The following BRIP1 variants were observed in gnomAD, a reference collection of about 807,000 sequenced individuals.
BRIP1 encodes the protein Fanconi anemia group J protein.
Under a neutral mutation model 119.7 loss-of-function variants are expected in BRIP1, and 88 were observed. That is an observed-to-expected ratio of 0.74 (90% CI 0.62 to 0.88). BRIP1 has a LOEUF of 0.88. Among genes scored for constraint, BRIP1 ranks in the 40% least tolerant of loss-of-function variants. The pLI is 0.00. For missense variants in BRIP1, 1,259 were observed against 1,455.4 expected (o/e 0.87, Z 2.20); for synonymous variants, 443 against 496.5 (o/e 0.89, Z 1.43).
rs2077297992 is a variant in BRIP1 at position 61,762,869 on chromosome 17, CT to C, written c.2097+13531del. On this transcript the variant is annotated intron_variant, in intron 14 of 19. Coordinates refer to ENST00000259008, the MANE Select transcript of BRIP1 (RefSeq NM_032043.3). The surrounding 1 kb of genome is among the most constrained non-coding windows in gnomAD (Gnocchi z 4.3). Reference sequence around the variant, plus strand: ...ACCTTATGATCTAGCAATCTCACTTCTGAGTATTTACCCCTAAAATTTGAAG... The same window carrying C: ...ACCTTATGATCTAGCAATCTCACTTCGAGTATTTACCCCTAAAATTTGAAG... Among the ~76,000 whole-genome samples the C allele has an allele frequency of 6.6e-6, 1 of 152,156 alleles. No homozygotes were observed. The highest frequency in any genetic ancestry group is 2.4e-5 in the African/African-American group (1 of 41,442).
In BRIP1 at chr17:61,794,888, AG is replaced by A. The variant is rs2077876599; in HGVS notation, c.1341-1160del. On this transcript the variant is annotated intron_variant, in intron 9 of 19. Coordinates refer to ENST00000259008, the MANE Select transcript of BRIP1 (RefSeq NM_032043.3). The surrounding 1 kb of genome is among the most constrained non-coding windows in gnomAD (Gnocchi z 4.3). Reference sequence around the variant, plus strand: ...AGAATCAGAAGAAAAGAAATATCCAAGCAGAAGGAACAGCTAGGAGAAAGGT... The same window carrying A: ...AGAATCAGAAGAAAAGAAATATCCAACAGAAGGAACAGCTAGGAGAAAGGT... Among the ~76,000 whole-genome samples the A allele has an allele frequency of 6.6e-6, 1 of 151,752 alleles. No individual in the cohort carries two copies. Among genetic ancestry groups the A allele is most frequent in the South Asian group, 2.1e-4 (1 of 4,816 alleles).
At position 61,747,250 on chromosome 17, in the gene BRIP1, A is replaced by G. The variant is rs555709842; in HGVS notation, c.2098-2659T>C. ...AAAAAGAAAGATCTCAAGTAACCCA[A>G]TTCTACACTTCAGGGAACTAGAAAA... On this transcript the variant is annotated intron_variant, in intron 14 of 19. Coordinates refer to ENST00000259008, the MANE Select transcript of BRIP1 (RefSeq NM_032043.3). Among the ~76,000 whole-genome samples the G allele has an allele frequency of 4.6e-5, 7 of 152,220 alleles. No individual in the cohort carries two copies. In the East Asian group the frequency reaches 5.8e-4, roughly 13 times the overall value.
Position 61,730,839 on chromosome 17 carries a change from T to C in BRIP1, c.2379+12174A>G, listed in dbSNP as rs1019370234. ...GATCCCAAAATATCTTTTAAAAATA[T>C]GGAGAATTTAAAAATTAACCTCAGC... On this transcript the variant is annotated intron_variant, in intron 16 of 19. Coordinates refer to ENST00000259008, the MANE Select transcript of BRIP1 (RefSeq NM_032043.3). The surrounding 1 kb of genome is among the most constrained non-coding windows in gnomAD (Gnocchi z 4.3). Among the ~76,000 whole-genome samples, 3 of 152,122 alleles carry C rather than the reference T, an allele frequency of 2.0e-5. No homozygotes were observed. The highest frequency in any genetic ancestry group is 4.4e-5 in the Non-Finnish European group (3 of 68,008).
rs370556499 is a variant in BRIP1, at chr17:61,844,632, C to T, written c.627+2469G>A. ...AAAACAATTCCCAAGAAAAAAAAAT[C>T]TTAATCACAGGTGACTCTATACTTG... On this transcript the variant is annotated intron_variant, in intron 6 of 19. Transcript: ENST00000259008. The surrounding 1 kb of genome is among the most constrained non-coding windows in gnomAD (Gnocchi z 4.7). Among the ~76,000 whole-genome samples the T allele has an allele frequency of 7.8e-4, 119 of 152,296 alleles. No homozygotes were observed. Among genetic ancestry groups the T allele is most frequent in the African/African-American group, 2.5e-3 (105 of 41,578 alleles).
chr17:61,837,920 A>C (rs1459592913), intron 6 of BRIP1, among the ~76,000 whole-genome samples: 1 of 152,174 alleles, frequency 6.6e-6, no homozygotes, highest in African/African-American at 2.4e-5. Flanking sequence ...AGAAAAATAA[A>C]GAGACAACAA....
At chr17:61,714,389 T>C (rs1258709344) in intron 17 of BRIP1, among the ~76,000 whole-genome samples, 1 of 152,200 alleles carries the variant, frequency 6.6e-6, no homozygotes. Context: ...TGTATTTCTA[T>C]ACCATATCTT....
At position 61,794,972 on chromosome 17, in the gene BRIP1, T is replaced by C. The variant is rs145380827; in HGVS notation, c.1341-1243A>G. 1.9e-3 allele frequency among the ~76,000 whole-genome samples: 286 copies of C among 152,132 alleles called. No individual in the cohort carries two copies. Among genetic ancestry groups the C allele is most frequent in the Middle Eastern group, 6.8e-3 (2 of 294 alleles). On this transcript the variant is annotated intron_variant, in intron 9 of 19. Transcript: ENST00000259008. The surrounding 1 kb of genome is among the most constrained non-coding windows in gnomAD (Gnocchi z 4.3). ...GGATCTGAAAGAAAGCCAATATGAT[T>C]TGCAGCACAATGGGCAAAAATGAAT...
At chr17:61,790,097 C>G (rs1024736991) in intron 10 of BRIP1, among the ~76,000 whole-genome samples, 2 of 152,192 alleles carry the variant, frequency 1.3e-5, no homozygotes, top group Non-Finnish European at 2.9e-5. Flanking sequence ...TGCCCCTTCT[C>G]AGCCCAAACT....
Position 61,745,655 on chromosome 17 carries a change from C to T in BRIP1, c.2098-1064G>A, listed in dbSNP as rs2077048561. Among the ~76,000 whole-genome samples the T allele has an allele frequency of 6.6e-6, 1 of 152,120 alleles. No individual in the cohort carries two copies. The highest frequency in any genetic ancestry group is 2.1e-4 in the South Asian group (1 of 4,818). On this transcript the variant is annotated intron_variant, in intron 14 of 19. Transcript: ENST00000259008. This position sits in a 1 kb window ranked among gnomAD's most constrained non-coding sequence, Gnocchi z 4.4. Reference sequence around the variant, plus strand: ...CAGTGCTGAAATTACAGGTGTGAACCAACACACGTGGCTGTAAAACTCATA... The same window carrying T: ...CAGTGCTGAAATTACAGGTGTGAACTAACACACGTGGCTGTAAAACTCATA...
rs184161850 is a variant in BRIP1 at position 61,690,776 on chromosome 17, C to G, written c.2575+2654G>C. On this transcript the variant is annotated intron_variant, in intron 18 of 19. Transcript: ENST00000259008. This position sits in a 1 kb window ranked among gnomAD's most constrained non-coding sequence, Gnocchi z 5.6. Reference sequence around the variant, plus strand: ...GATCTCTCTTTGCAGATGACATGATCTTTTATGTGGAAAACCCTAAAGATT... The same window carrying G: ...GATCTCTCTTTGCAGATGACATGATGTTTTATGTGGAAAACCCTAAAGATT... Among the ~76,000 whole-genome samples the G allele has an allele frequency of 6.6e-6, 1 of 151,966 alleles. No homozygotes were observed. The highest frequency in any genetic ancestry group is 1.5e-5 in the Non-Finnish European group (1 of 68,000).
intron 7 of BRIP1, among the ~76,000 whole-genome samples, chr17:61,801,847 T>C (rs1011446169): frequency 2.6e-5 from 4 of 152,104 alleles, no homozygotes; most frequent in African/African-American, 9.7e-5. Flanking sequence ...CTTCCAAGGA[T>C]GAGAATTAAG....
intron 13 of BRIP1, among the ~76,000 whole-genome samples, chr17:61,777,104 C>T (rs745747662): frequency 1.3e-5 from 2 of 151,934 alleles, no homozygotes; most frequent in East Asian, 1.9e-4. Context: ...GGGAGAGAGA[C>T]GAAAATTTTG....
Position 61,700,164 on chromosome 17 carries a change from A to C in BRIP1, c.2493-6652T>G, listed in dbSNP as rs574653317. Reference sequence around the variant, plus strand: ...GGTCTTGGCAACCCACAAGACAATCACCACAGATTTACAATTATTGTTTTA... The same window carrying C: ...GGTCTTGGCAACCCACAAGACAATCCCCACAGATTTACAATTATTGTTTTA... On this transcript the variant is annotated intron_variant, in intron 17 of 19. Coordinates refer to ENST00000259008, the MANE Select transcript of BRIP1 (RefSeq NM_032043.3). The surrounding 1 kb of genome is among the most constrained non-coding windows in gnomAD (Gnocchi z 4.1). 4.2e-4 allele frequency among the ~76,000 whole-genome samples: 64 copies of C among 152,326 alleles called. No individual in the cohort carries two copies. The highest frequency in any genetic ancestry group is 1.5e-3 in the African/African-American group (64 of 41,584).
At position 61,710,332 on chromosome 17, in the gene BRIP1, C is replaced by T. The variant is rs1392005954; in HGVS notation, c.2492+5619G>A. Among the ~76,000 whole-genome samples the T allele has an allele frequency of 6.6e-6, 1 of 152,128 alleles. No homozygotes were observed. The highest frequency in any genetic ancestry group is 2.4e-5 in the African/African-American group (1 of 41,428). Reference sequence around the variant, plus strand: ...TCACATTTTTCACTAATTCAACAAGCATTTGAGACTTAGTTGGTTGCTGAG... The same window carrying T: ...TCACATTTTTCACTAATTCAACAAGTATTTGAGACTTAGTTGGTTGCTGAG... On this transcript the variant is annotated intron_variant, in intron 17 of 19. Transcript: ENST00000259008. This position sits in a 1 kb window ranked among gnomAD's most constrained non-coding sequence, Gnocchi z 5.4.
At position 61,845,016 on chromosome 17, in the gene BRIP1, G is replaced by A. The variant is rs867044270; in HGVS notation, c.627+2085C>T. On this transcript the variant is annotated intron_variant, in intron 6 of 19. Transcript: ENST00000259008. The surrounding 1 kb of genome is among the most constrained non-coding windows in gnomAD (Gnocchi z 4.2). ...ATGAGGGACACACATGAAAAAGACTGACATTACATCGTAATAGGACAGACA... is the reference window on the plus strand; with the variant it reads ...ATGAGGGACACACATGAAAAAGACTAACATTACATCGTAATAGGACAGACA... Among the ~76,000 whole-genome samples, 5 of 152,148 alleles carry A rather than the reference G, an allele frequency of 3.3e-5. No individual in the cohort carries two copies. Among genetic ancestry groups the A allele is most frequent in the African/African-American group, 1.2e-4 (5 of 41,440 alleles).
rs1256816641 is a variant in BRIP1, at chr17:61,743,229, T to C, written c.2258-95A>G. 2 of 1,406,116 alleles carry C rather than the reference T, an allele frequency of 1.4e-6. No homozygotes were observed. The highest frequency in any genetic ancestry group is 2.0e-6 in the Non-Finnish European group (2 of 1,007,730). 87.1% of individuals were successfully genotyped at this position (1,406,116 alleles called of 1,614,324 possible). ...TGATTTATAATTATAGTAATTACAG[T>C]AGCAAATTTAAAATAATCAAAATAA... On this transcript the variant is annotated intron_variant, in intron 15 of 19. Transcript: ENST00000259008. This position sits in a 1 kb window ranked among gnomAD's most constrained non-coding sequence, Gnocchi z 4.3.
At position 61,822,826 on chromosome 17, in the gene BRIP1, G is replaced by T. The variant is rs1044302462; in HGVS notation, c.628-14069C>A. Among the ~76,000 whole-genome samples, 23 of 152,132 alleles carry T rather than the reference G, an allele frequency of 1.5e-4. No individual in the cohort carries two copies. Among genetic ancestry groups the T allele is most frequent in the African/African-American group, 5.6e-4 (23 of 41,424 alleles). ...GGACCAACAAGTTTTCAGTTTAAAG[G>T]TGGGACGGTTCCAAATGACAACGAA... On this transcript the variant is annotated intron_variant, in intron 6 of 19. Coordinates refer to ENST00000259008, the MANE Select transcript of BRIP1 (RefSeq NM_032043.3). The surrounding 1 kb of genome is among the most constrained non-coding windows in gnomAD (Gnocchi z 4.4).
chr17:61,830,124 G>A (rs2078468728), intron 6 of BRIP1, among the ~76,000 whole-genome samples: 1 of 151,514 alleles, frequency 6.6e-6, no homozygotes, highest in African/African-American at 2.4e-5. Flanking sequence ...AATAGAGACA[G>A]GGTTTTGCCA....
intron 6 of BRIP1, among the ~76,000 whole-genome samples, chr17:61,833,058 T>C (rs2078516070): frequency 6.6e-6 from 1 of 152,222 alleles, no homozygotes; most frequent in African/African-American, 2.4e-5. Context: ...GGGCAGACAG[T>C]TGGTCAATTA....
Sources: allele counts gnomAD v4.1 joint callset (sites outside exome capture counted in the v4.1 genomes callset), GRCh38; gene constraint gnomAD v4.1.1; non-coding constraint Gnocchi (gnomAD v3.1); transcripts MANE v1.5; gene names NCBI Gene and HGNC (gene_info 2026-07-23, HGNC 2026-07-21).